RIMS4: variants seen among roughly 807,000 people sequenced by gnomAD.
RIMS4 encodes regulating synaptic membrane exocytosis protein 4.
Under a neutral mutation model 29.0 loss-of-function variants are expected in RIMS4, and 9 were observed. That is an observed-to-expected ratio of 0.31 (90% CI 0.19 to 0.54). RIMS4 has a LOEUF of 0.54. RIMS4 is among the 20% of genes least tolerant of loss of function. The pLI, the probability that RIMS4 is intolerant of heterozygous loss-of-function variation, is 0.94. For missense variants in RIMS4, 193 were observed against 365.7 expected, an observed-to-expected ratio of 0.53 and a Z score of 3.85; for synonymous variants, 130 against 152.9, an observed-to-expected ratio of 0.85 and a Z score of 1.10.
intron 1 of RIMS4, among the ~76,000 whole-genome samples, chr20:44,777,869 A>C (rs116324419): frequency 1.3e-5 from 2 of 152,176 alleles, no homozygotes; most frequent in African/African-American, 4.8e-5. Flanking sequence ...AAGTTCCCCC[A>C]GACACAAGAG....
At chr20:44,789,970 AC>A (rs1241260370) in intron 1 of RIMS4, among the ~76,000 whole-genome samples, 1 of 152,248 alleles carries the variant, frequency 6.6e-6, no homozygotes, top group Non-Finnish European at 1.5e-5. Context: ...TGCTAGAGGC[AC>A]CCAAGGGAGA....
At chr20:44,779,849 C>T (rs909362087) in intron 1 of RIMS4, among the ~76,000 whole-genome samples, 2 of 152,114 alleles carry the variant, frequency 1.3e-5, no homozygotes, top group Non-Finnish European at 2.9e-5. Context: ...GAAAGGTTAA[C>T]ACGTTAGACT....
At chr20:44,763,122 T>C (rs531797996) in intron 2 of RIMS4, among the ~76,000 whole-genome samples, 7 of 152,326 alleles carry the variant, frequency 4.6e-5, no homozygotes, top group African/African-American at 7.2e-5. Flanking sequence ...AGGAGCTCAA[T>C]AGATGTTCAC....
At position 44,756,215 on chromosome 20, in the gene RIMS4, G is replaced by C. The variant is rs1194199462; in HGVS notation, c.729C>G (p.Asp243Glu). Residue 243 changes from aspartate to glutamate, a missense_variant, in exon 6 of 6, where the codon GAC (aspartate) becomes GAG (glutamate). Coordinates refer to ENST00000372851, the MANE Select transcript of RIMS4 (RefSeq NM_182970.4). This position sits in a 1 kb window ranked among gnomAD's most constrained non-coding sequence, Gnocchi z 5.9. ...YKLFPTSSMV[D>E]PATGPLLRQA... ...GCCGGAGCAGGGGGCCTGTGGCTGG[G>C]TCCACCATGGAGGAGGTGGGGAAGA... The C allele has an allele frequency of 1.2e-6, 2 of 1,614,060 alleles. No individual in the cohort carries two copies. Among genetic ancestry groups the C allele is most frequent in the Non-Finnish European group, 1.7e-6 (2 of 1,179,980 alleles).
At chr20:44,761,567 C>T (rs915617537) in intron 2 of RIMS4, among the ~76,000 whole-genome samples, 2 of 152,204 alleles carry the variant, frequency 1.3e-5, no homozygotes, top group African/African-American at 2.4e-5. Flanking sequence ...ACCCAGCCTC[C>T]CAAGGCTCCC....
chr20:44,796,202 C>T (rs977690402), intron 1 of RIMS4, among the ~76,000 whole-genome samples: 2 of 151,034 alleles, frequency 1.3e-5, no homozygotes, highest in African/African-American at 4.9e-5. Context: ...CCTGCTATGG[C>T]CTTTCCCAGC....
intron 2 of RIMS4, among the ~76,000 whole-genome samples, chr20:44,761,819 C>CT (rs1417768297): frequency 6.6e-6 from 1 of 152,188 alleles, no homozygotes; most frequent in Non-Finnish European, 1.5e-5. Context: ...AGTCTATTAT[C>CT]TTAACAATTA....
chr20:44,788,218 C>T (rs1164164821), intron 1 of RIMS4, among the ~76,000 whole-genome samples: 2 of 152,158 alleles, frequency 1.3e-5, no homozygotes, highest in African/African-American at 4.8e-5. Flanking sequence ...AGCCATTAGC[C>T]ACATGTGAAC....
At position 44,802,177 on chromosome 20, in the gene RIMS4, A is replaced by C. The variant is rs544748179; in HGVS notation, c.97+7998T>G. On this transcript the variant is annotated intron_variant, in intron 1 of 5. Coordinates refer to ENST00000372851, the MANE Select transcript of RIMS4 (RefSeq NM_182970.4). ...CACTGTGACAACTGCAGCTGCTACC[A>C]ATGACTGGGAACCTACTATGTGCCG... 7.2e-5 allele frequency among the ~76,000 whole-genome samples: 11 copies of C among 152,258 alleles called. No homozygotes were observed. In the South Asian group the frequency reaches 2.3e-3, roughly 32 times the overall value.
At position 44,768,857 on chromosome 20, in the gene RIMS4, C is replaced by T. The variant is rs118113072; in HGVS notation, c.236+2418G>A. On this transcript the variant is annotated intron_variant, in intron 2 of 5. Transcript: ENST00000372851. Reference sequence around the variant, plus strand: ...ACTATATCCGTTAGAATGCAACTGACCAAAACAGCAAAATAGCCAACAAAC... The same window carrying T: ...ACTATATCCGTTAGAATGCAACTGATCAAAACAGCAAAATAGCCAACAAAC... 5.0e-3 allele frequency among the ~76,000 whole-genome samples: 765 copies of T among 152,324 alleles called. 2 individuals are homozygous for T. Among genetic ancestry groups the T allele is most frequent in the Middle Eastern group, 0.01 (3 of 294 alleles).
chr20:44,807,704 T>C (rs755289950), intron 1 of RIMS4, among the ~76,000 whole-genome samples: 1 of 152,202 alleles, frequency 6.6e-6, no homozygotes, highest in Non-Finnish European at 1.5e-5. Flanking sequence ...AGGCTTCTTT[T>C]AGGAGAAAAT....
At chr20:44,769,918 A>C (rs779930527) in intron 2 of RIMS4, among the ~76,000 whole-genome samples, 33 of 152,234 alleles carry the variant, frequency 2.2e-4, no homozygotes, top group Non-Finnish European at 3.4e-4. Context: ...AGTACTGTTC[A>C]AACGAATTTT....
At position 44,765,858 on chromosome 20, in the gene RIMS4, G is replaced by A. The variant is rs182893096; in HGVS notation, c.236+5417C>T. ...TGGGTGCTGGGAGCCAGCCTGGAGC[G>A]CTTCTGGGTCAACAGAGAGGATGCC... On this transcript the variant is annotated intron_variant, in intron 2 of 5. Coordinates refer to ENST00000372851, the MANE Select transcript of RIMS4 (RefSeq NM_182970.4). 3.2e-3 allele frequency among the ~76,000 whole-genome samples: 489 copies of A among 152,340 alleles called. 1 individual carries two copies. Among genetic ancestry groups the A allele is most frequent in the Middle Eastern group, 0.01 (3 of 294 alleles).
intron 1 of RIMS4, among the ~76,000 whole-genome samples, chr20:44,794,979 G>A (rs529218792): frequency 3.9e-5 from 6 of 152,262 alleles, no homozygotes; most frequent in Admixed American, 3.9e-4. Flanking sequence ...GGTTCCAACT[G>A]ACCTTAAGCT....
intron 1 of RIMS4, among the ~76,000 whole-genome samples, chr20:44,790,785 G>C (rs2066229460): frequency 6.6e-6 from 1 of 152,250 alleles, no homozygotes; most frequent in Non-Finnish European, 1.5e-5. Flanking sequence ...CCCCGCCACT[G>C]TTCAGAAGAG....
Position 44,755,821 on chromosome 20 carries a change from A to C in RIMS4, c.*313T>G, listed in dbSNP as rs985151867. The C allele has an allele frequency of 3.3e-6, 1 of 303,364 alleles. No individual in the cohort carries two copies. The highest frequency in any genetic ancestry group is 6.2e-6 in the Non-Finnish European group (1 of 161,020). The allele number at this position is 303,364 out of a possible 1,614,324, so 18.8% of individuals were successfully genotyped here. On this transcript the variant is annotated 3_prime_UTR_variant, in exon 6 of 6. Coordinates refer to ENST00000372851, the MANE Select transcript of RIMS4 (RefSeq NM_182970.4). ...GGAGGCAAAAAGGGGGAGAAGTTGG[A>C]CAGTTTGGGAAGGGAGAGTGGTCTG... is the stretch of plus-strand genomic sequence containing the variant.
rs757726639 is a variant in RIMS4, at chr20:44,795,504, C to T, written c.97+14671G>A. ...AAAATTAGCCAGGTGTGATGGCGGG[C>T]GCCTGCAGTCCCAGCTACTTGGGAG... On this transcript the variant is annotated intron_variant, in intron 1 of 5. Transcript: ENST00000372851. Among the ~76,000 whole-genome samples, 76 of 152,190 alleles carry T rather than the reference C, an allele frequency of 5.0e-4. 1 individual carries two copies. Among genetic ancestry groups the T allele is most frequent in the African/African-American group, 1.1e-3 (44 of 41,510 alleles).
chr20:44,792,295 A>T (rs1268406699), intron 1 of RIMS4, among the ~76,000 whole-genome samples: 1 of 144,500 alleles, frequency 6.9e-6, no homozygotes. Flanking sequence ...TATTATTATA[A>T]TTTTTTTTTT....
At chr20:44,772,100 T>C (rs1259746795) in intron 1 of RIMS4, among the ~76,000 whole-genome samples, 1 of 152,154 alleles carries the variant, frequency 6.6e-6, no homozygotes, top group Non-Finnish European at 1.5e-5. Flanking sequence ...TGCCTCTATT[T>C]GCACAACTGT....
Sources: allele counts gnomAD v4.1 joint callset (sites outside exome capture counted in the v4.1 genomes callset), GRCh38; gene constraint gnomAD v4.1.1; non-coding constraint Gnocchi (gnomAD v3.1); transcripts MANE v1.5; gene names NCBI Gene and HGNC (gene_info 2026-07-23, HGNC 2026-07-21).